Variants in ADK observed in about 807,000 individuals in gnomAD.
ADK encodes N6,N6-dimethyladenosine kinase.
In ADK, 24 loss-of-function variants were observed where a neutral mutation model predicts 44.7. That is an observed-to-expected ratio of 0.54 (90% confidence interval 0.39 to 0.76). The LOEUF (loss-of-function observed/expected upper bound fraction) is 0.76, where lower values mean the gene tolerates loss of function less well. Ranked by LOEUF, ADK falls within the 30% of genes least tolerant of loss-of-function variation. ADK has a pLI of 0.00. For synonymous variants in ADK, 128 were observed against 142.6 expected, an observed-to-expected ratio of 0.90 and a Z score of 0.73; for missense variants, 321 against 425.1, an observed-to-expected ratio of 0.76 and a Z score of 2.15.
rs1228699404 is a variant in ADK, at chr10:74,221,785, T to C, written c.141-2753T>C. 2.1e-5 allele frequency among the ~76,000 whole-genome samples: 3 copies of C among 145,908 alleles called. No individual in the cohort carries two copies. In the East Asian group the frequency reaches 5.8e-4, roughly 28 times the overall value. On this transcript the variant is annotated intron_variant, in intron 2 of 10. Transcript: ENST00000539909. ...AGCAATGGGGAAAGGATTCCCTGTT[T>C]AATAAATGGTGCTGGGAAAACTGGC...
intron 6 of ADK, among the ~76,000 whole-genome samples, chr10:74,404,513 A>G (rs1365650683): frequency 6.6e-6 from 1 of 152,026 alleles, no homozygotes; most frequent in Non-Finnish European, 1.5e-5. Flanking sequence ...TCTTTATTTC[A>G]CCTTCATTTT....
intron 7 of ADK, among the ~76,000 whole-genome samples, chr10:74,574,482 T>A (rs1386474947): frequency 4.6e-5 from 7 of 152,222 alleles, no homozygotes. Context: ...CTTGCTACTT[T>A]CATAGCAAAA....
intron 5 of ADK, among the ~76,000 whole-genome samples, chr10:74,396,137 G>A (rs766898301): frequency 1.7e-4 from 26 of 152,138 alleles, no homozygotes; most frequent in Non-Finnish European, 2.6e-4. Flanking sequence ...CAAAAATTGG[G>A]GAGAAATCTT....
chr10:74,661,457 CAT>C (rs1467289064), intron 9 of ADK, among the ~76,000 whole-genome samples: 1 of 152,166 alleles, frequency 6.6e-6, no homozygotes, highest in African/African-American at 2.4e-5. Flanking sequence ...ATACCTTACT[CAT>C]GTGAGAATTA....
chr10:74,373,228 A>T (rs888273503), intron 4 of ADK, among the ~76,000 whole-genome samples: 2 of 152,240 alleles, frequency 1.3e-5, no homozygotes, highest in East Asian at 1.9e-4. Flanking sequence ...AGACATAGGG[A>T]TACATGTTTA....
intron 4 of ADK, among the ~76,000 whole-genome samples, chr10:74,358,904 G>A (rs1234026575): frequency 6.6e-6 from 1 of 151,856 alleles, no homozygotes; most frequent in East Asian, 1.9e-4. Flanking sequence ...GAAGAAACTA[G>A]GATAATAGCA....
chr10:74,577,110 CTGTGTGTGTGTGTGTGTGTGTGTGTG>C (rs146683037), intron 7 of ADK, among the ~76,000 whole-genome samples: 6 of 137,328 alleles, frequency 4.4e-5, no homozygotes, highest in African/African-American at 1.6e-4. Flanking sequence ...TATTATTTCT[CTGTGTGTGTGTGTGTGTGTGTGTGTG>C]TGTGTGTGTG....
chr10:74,618,373 C>T (rs1317105546), intron 9 of ADK, among the ~76,000 whole-genome samples: 3 of 152,148 alleles, frequency 2.0e-5, no homozygotes, highest in Non-Finnish European at 4.4e-5. Context: ...TCACTGCAGC[C>T]TCCACCTTCC....
chr10:74,186,228 C>CT (rs1564579561), intron 1 of ADK, among the ~76,000 whole-genome samples: 1 of 46,616 alleles, frequency 2.1e-5, no homozygotes. Context: ...TTCCCTTCCC[C>CT]TCCTTTCCCT....
intron 4 of ADK, among the ~76,000 whole-genome samples, chr10:74,356,858 G>C (rs923721837): frequency 1.4e-4 from 21 of 152,138 alleles, no homozygotes; most frequent in Non-Finnish European, 2.9e-4. Flanking sequence ...ATTGTATAAG[G>C]AGAAATTTCA....
chr10:74,510,060 C>G (rs887162691), intron 6 of ADK, among the ~76,000 whole-genome samples: 3 of 152,078 alleles, frequency 2.0e-5, no homozygotes, highest in Admixed American at 6.5e-5. Flanking sequence ...TACACATGTC[C>G]CTTAAATATA....
At chr10:74,631,233 C>T (rs1038200294) in intron 9 of ADK, among the ~76,000 whole-genome samples, 10 of 147,612 alleles carry the variant, frequency 6.8e-5, no homozygotes, top group Middle Eastern at 3.5e-3. Flanking sequence ...AACCTGTGTG[C>T]GTGTGTGTGT....
rs1554836801 is a variant in ADK, at chr10:74,274,732, G to GTGTATATATATATATATATATATA, written c.195-39934_195-39933insGTATATATATATATATATATATAT. On this transcript the variant is annotated intron_variant, in intron 3 of 10. Transcript: ENST00000539909. Reference sequence around the variant, plus strand: ...TAGTAGGAGAAAAATTTTAATGTGTGTATATATATATATATACACACACAC... The same window carrying GTGTATATATATATATATATATATA: ...TAGTAGGAGAAAAATTTTAATGTGTGTGTATATATATATATATATATATATATATATATATATATACACACACAC... Among the ~76,000 whole-genome samples the GTGTATATATATATATATATATATA allele has an allele frequency of 5.8e-3, 484 of 84,096 alleles. 35 individuals carry two copies. Among genetic ancestry groups the GTGTATATATATATATATATATATA allele is most frequent in the Middle Eastern group, 7.9e-3 (1 of 126 alleles). The allele number at this position is 84,096 out of a possible 152,430, so 55.2% of individuals were successfully genotyped here.
intron 1 of ADK, among the ~76,000 whole-genome samples, chr10:74,177,318 C>T (rs1301574637): frequency 6.6e-6 from 1 of 152,178 alleles, no homozygotes; most frequent in Non-Finnish European, 1.5e-5. Context: ...TGGCCCTTCT[C>T]TGATGCAGGT....
At chr10:74,556,928 G>T (rs1850271831) in intron 7 of ADK, among the ~76,000 whole-genome samples, 1 of 152,054 alleles carries the variant, frequency 6.6e-6, no homozygotes, top group South Asian at 2.1e-4. Flanking sequence ...AAATAAAGTA[G>T]GAACATACCC....
intron 3 of ADK, among the ~76,000 whole-genome samples, chr10:74,289,272 T>G (rs1022559564): frequency 6.6e-6 from 1 of 152,184 alleles, no homozygotes; most frequent in Non-Finnish European, 1.5e-5. Flanking sequence ...AGGCTGGTCT[T>G]GAACTCCTGG....
chr10:74,675,453 C>T (rs1434526692), intron 10 of ADK, among the ~76,000 whole-genome samples: 2 of 152,178 alleles, frequency 1.3e-5, no homozygotes, highest in East Asian at 3.8e-4. Context: ...AGGTCTTAAG[C>T]ACTTTGTGAT....
intron 3 of ADK, among the ~76,000 whole-genome samples, chr10:74,311,964 G>C (rs949274066): frequency 1.3e-5 from 2 of 152,038 alleles, no homozygotes; most frequent in African/African-American, 4.8e-5. Context: ...TCAAGAGATG[G>C]AGACCATCCT....
chr10:74,428,482 G>A (rs961083685), intron 6 of ADK, among the ~76,000 whole-genome samples: 1 of 152,160 alleles, frequency 6.6e-6, no homozygotes, highest in East Asian at 1.9e-4. Context: ...ATTAAATACA[G>A]TAATGAATTA....
Sources: gnomAD v4.1 joint callset for allele counts (sites outside exome capture counted in the v4.1 genomes callset) on GRCh38, gnomAD v4.1.1 for gene constraint, MANE v1.5 for transcripts, NCBI Gene and HGNC (gene_info 2026-07-23, HGNC 2026-07-21) for gene names.